The following RAB39A variants were observed in gnomAD, a reference collection of about 807,000 sequenced individuals.
RAB39A encodes the protein ras-related protein Rab-39A.
In RAB39A, 17 loss-of-function variants were observed where a neutral mutation model predicts 20.9. The ratio of observed to expected loss-of-function variants is 0.81; its 90% confidence interval spans 0.56 to 1.22. The LOEUF (loss-of-function observed/expected upper bound fraction) is 1.22, where lower values mean the gene tolerates loss of function less well. Ranked by LOEUF, RAB39A falls within the 50% of genes most tolerant of loss-of-function variation. The pLI is 0.00. For synonymous variants in RAB39A, 99 were observed against 103.4 expected, an observed-to-expected ratio of 0.96 and a Z score of 0.26; for missense variants, 234 against 270.5, an observed-to-expected ratio of 0.87 and a Z score of 0.95.
At chr11:107,949,467 A>G (rs925700706) in intron 1 of RAB39A, among the ~76,000 whole-genome samples, 3 of 152,220 alleles carry the variant, frequency 2.0e-5, no homozygotes, top group Admixed American at 6.5e-5. Flanking sequence ...ACAAAGCCAT[A>G]TAGAAAAAGC....
At chr11:107,955,723 T>A (rs189316563) in intron 1 of RAB39A, among the ~76,000 whole-genome samples, 1 of 152,190 alleles carries the variant, frequency 6.6e-6, no homozygotes, top group Admixed American at 6.5e-5. Flanking sequence ...CTGTAATCCC[T>A]GCTACTCAGG....
chr11:107,962,260 A>C lies in RAB39A; in HGVS notation c.542A>C (p.Lys181Thr). Residue 181 changes from lysine (K) to threonine (T), a missense_variant, in exon 2 of 2, where the codon AAG becomes ACG. Lys to Thr is a moderately conservative substitution (Grantham distance 78). Transcript: ENST00000320578. ...AGAGACATATATGAACTTATTAAAA[A>C]GGGAGAAATTTGTATTCAGGATGGC... is the stretch of plus-strand genomic sequence containing the variant. ...LTRDIYELIK[K>T]GEICIQDGWE... The C allele has an allele frequency of 6.2e-7, 1 of 1,613,908 alleles. No homozygotes were observed.
chr11:107,942,792 G>GGTGTGT (rs151233116), intron 1 of RAB39A, among the ~76,000 whole-genome samples: 5 of 150,452 alleles, frequency 3.3e-5, no homozygotes, highest in African/African-American at 9.7e-5. Flanking sequence ...TGTTGTATGG[G>GGTGTGT]GTGTGTGTGT....
intron 1 of RAB39A, among the ~76,000 whole-genome samples, chr11:107,941,843 A>G (rs927116209): frequency 6.6e-6 from 1 of 152,214 alleles, no homozygotes; most frequent in Non-Finnish European, 1.5e-5. Flanking sequence ...CTGTAATCCC[A>G]GCACTTTGGG....
Position 107,938,082 on chromosome 11 carries a change from G to A in RAB39A, c.227+9287G>A, listed in dbSNP as rs11212447. Among the ~76,000 whole-genome samples the A allele has an allele frequency of 3.4e-3, 521 of 152,098 alleles. 1 individual carries two copies. Among genetic ancestry groups the A allele is most frequent in the African/African-American group, 0.012 (491 of 41,508 alleles). ...TAAAATGGTATATAAGAATGAGATG[G>A]CCAGGCATGGTGGCTCACGCCTGTA... On this transcript the variant is annotated intron_variant, in intron 1 of 1. Transcript: ENST00000320578.
intron 1 of RAB39A, among the ~76,000 whole-genome samples, chr11:107,942,919 G>A (rs1230550902): frequency 6.6e-6 from 1 of 152,106 alleles, no homozygotes; most frequent in Admixed American, 6.5e-5. Flanking sequence ...TCATTATTAT[G>A]TTCACCCAAA....
chr11:107,961,877 T>G (rs1861499191), intron 1 of RAB39A, 69 bp from the exon 2 acceptor site: 1 of 1,185,992 alleles, frequency 8.4e-7, no homozygotes, highest in African/African-American at 1.5e-5. Flanking sequence ...ATTATGGTGC[T>G]AGATTGTTGG....
At chr11:107,946,434 G>GTATATATA (rs1565464257) in intron 1 of RAB39A, among the ~76,000 whole-genome samples, 1 of 20,880 alleles carries the variant, frequency 4.8e-5, no homozygotes, top group African/African-American at 1.4e-4. Context: ...GTGTGTGTGT[G>GTATATATA]TGTATATATA....
intron 1 of RAB39A, among the ~76,000 whole-genome samples, chr11:107,955,823 A>G (rs576986419): frequency 6.6e-6 from 1 of 152,264 alleles, no homozygotes; most frequent in Non-Finnish European, 1.5e-5. Flanking sequence ...AGGCAACAAG[A>G]GTGAAACTCC....
At chr11:107,942,098 C>CAAAAAAAAAAAAAAAAAAAAAAAATAA (rs10537482) in intron 1 of RAB39A, among the ~76,000 whole-genome samples, 1 of 83,752 alleles carries the variant, frequency 1.2e-5, no homozygotes, top group Non-Finnish European at 2.1e-5. Flanking sequence ...GATTCCATCT[C>CAAAAAAAAAAAAAAAAAAAAAAAATAA]AAAAAAAAAA....
At chr11:107,933,413 C>T in intron 1 of RAB39A, among the ~76,000 whole-genome samples, 1 of 117,494 alleles carries the variant, frequency 8.5e-6, no homozygotes, top group Non-Finnish European at 1.7e-5. Context: ...CAGAGTCTCA[C>T]TCTGTCACCT....
chr11:107,953,420 G>A (rs1055070816), intron 1 of RAB39A, among the ~76,000 whole-genome samples: 2 of 152,142 alleles, frequency 1.3e-5, no homozygotes, highest in African/African-American at 4.8e-5. Flanking sequence ...GCCAGGCTTG[G>A]AATGAATCAA....
intron 1 of RAB39A, among the ~76,000 whole-genome samples, chr11:107,940,671 G>A (rs1861249851): frequency 6.6e-6 from 1 of 152,108 alleles, no homozygotes; most frequent in Non-Finnish European, 1.5e-5. Context: ...AGGGAAGTTT[G>A]CTTTAAAAAT....
chr11:107,932,016 C>G (rs1388390760), intron 1 of RAB39A, among the ~76,000 whole-genome samples: 1 of 138,180 alleles, frequency 7.2e-6, no homozygotes, highest in African/African-American at 2.5e-5. Flanking sequence ...CACACCACCA[C>G]GCCTAGCTAA....
At chr11:107,951,333 T>C (rs551241696) in intron 1 of RAB39A, among the ~76,000 whole-genome samples, 19 of 152,294 alleles carry the variant, frequency 1.2e-4, no homozygotes, top group Non-Finnish European at 2.2e-4. Context: ...GCAGTAGGAA[T>C]GTAATGTCAT....
chr11:107,961,353 G>A (rs1452295051), intron 1 of RAB39A, among the ~76,000 whole-genome samples: 1 of 151,996 alleles, frequency 6.6e-6, no homozygotes, highest in African/African-American at 2.4e-5. Context: ...TTTTTTTAAG[G>A]GCACTGGTCC....
chr11:107,928,876 G>C lies in RAB39A; in HGVS notation c.227+81G>C, dbSNP rs1045306930. On this transcript the variant is annotated intron_variant, in intron 1 of 1. Transcript: ENST00000320578. The surrounding 1 kb of genome is among the most constrained non-coding windows in gnomAD (Gnocchi z 4.9). Reference sequence around the variant, plus strand: ...CCCTTCCCCAGGCGTCCGCCCCGCCGGCCCTGGTCGGGAGAGGCTCTGGCC... The same window carrying C: ...CCCTTCCCCAGGCGTCCGCCCCGCCCGCCCTGGTCGGGAGAGGCTCTGGCC... The C allele has an allele frequency of 2.5e-6, 3 of 1,204,662 alleles. No individual in the cohort carries two copies. Among genetic ancestry groups the C allele is most frequent in the Non-Finnish European group, 1.1e-6 (1 of 879,164 alleles). The allele number at this position is 1,204,662 out of a possible 1,614,324, so 74.6% of individuals were successfully genotyped here.
Position 107,962,487 on chromosome 11 carries a change from C to A in RAB39A, c.*115C>A. The A allele has an allele frequency of 4.2e-6, 4 of 953,560 alleles. No homozygotes were observed. Among genetic ancestry groups the A allele is most frequent in the African/African-American group, 1.7e-5 (1 of 60,580 alleles). The allele number at this position is 953,560 out of a possible 1,614,324, so 59.1% of individuals were successfully genotyped here. On this transcript the variant is annotated 3_prime_UTR_variant, in exon 2 of 2. Transcript: ENST00000320578. Reference sequence around the variant, plus strand: ...AATTTAAAAAGGTTACAAACCCACACCAATACTATTTTATAAGGTATTTGA... The same window carrying A: ...AATTTAAAAAGGTTACAAACCCACAACAATACTATTTTATAAGGTATTTGA...
chr11:107,934,793 G>C (rs1041729284), intron 1 of RAB39A, among the ~76,000 whole-genome samples: 4 of 152,072 alleles, frequency 2.6e-5, no homozygotes, highest in Admixed American at 6.6e-5. Flanking sequence ...GCCAGGCGTG[G>C]TGGCAGGCGC....
Sources: allele counts gnomAD v4.1 joint callset (sites outside exome capture counted in the v4.1 genomes callset), GRCh38; gene constraint gnomAD v4.1.1; non-coding constraint Gnocchi (gnomAD v3.1); transcripts MANE v1.5; gene names NCBI Gene and HGNC (gene_info 2026-07-23, HGNC 2026-07-21).